Variants in ENPP6 observed in about 807,000 individuals in gnomAD.
ENPP6 encodes ectonucleotide pyrophosphatase/phosphodiesterase 6, also known as glycerophosphocholine cholinephosphodiesterase ENPP6.
ENPP6 carries 32 observed loss-of-function variants against 42.0 expected under a neutral mutation model. That is an observed-to-expected ratio of 0.76 (90% CI 0.58 to 1.02). The LOEUF is 1.02. Ranked by LOEUF, ENPP6 falls within the 50% of genes least tolerant of loss-of-function variation. The probability of loss-of-function intolerance (pLI) is 0.00; values close to 1 mark genes in which losing one functional copy is unlikely to be tolerated. For synonymous variants in ENPP6, 213 were observed against 216.0 expected (o/e 0.99, Z 0.12); for missense variants, 552 against 566.8 (o/e 0.97, Z 0.27).
intron 2 of ENPP6, among the ~76,000 whole-genome samples, chr4:184,129,272 C>A (rs1736555418): frequency 1.4e-5 from 1 of 70,380 alleles, no homozygotes; most frequent in Non-Finnish European, 2.9e-5. Flanking sequence ...TGACGTAGTA[C>A]ACAAACACCC....
At chr4:184,141,785 G>A (rs986905806) in intron 2 of ENPP6, among the ~76,000 whole-genome samples, 21 of 151,990 alleles carry the variant, frequency 1.4e-4, no homozygotes, top group Non-Finnish European at 2.4e-4. Context: ...TAATAATGAT[G>A]ATGATAAGGT....
At chr4:184,104,943 G>A (rs1013390271) in intron 6 of ENPP6, among the ~76,000 whole-genome samples, 4 of 152,336 alleles carry the variant, frequency 2.6e-5, no homozygotes, top group African/African-American at 9.6e-5. Context: ...ATTCCAAGCT[G>A]GAGAACATTA....
At chr4:184,111,301 C>A (rs1275380525) in intron 6 of ENPP6, among the ~76,000 whole-genome samples, 1 of 152,344 alleles carries the variant, frequency 6.6e-6, no homozygotes, top group East Asian at 1.9e-4. Flanking sequence ...AAATTCCAAG[C>A]AATTCTGCCA....
intron 1 of ENPP6, among the ~76,000 whole-genome samples, chr4:184,193,914 T>C (rs1053523430): frequency 2.0e-5 from 3 of 152,216 alleles, no homozygotes; most frequent in Non-Finnish European, 4.4e-5. Flanking sequence ...ATTGTTCAGT[T>C]TGATGCTACT....
intron 2 of ENPP6, among the ~76,000 whole-genome samples, chr4:184,133,872 A>T (rs368566041): frequency 6.9e-6 from 1 of 145,868 alleles, no homozygotes; most frequent in African/African-American, 2.5e-5. Flanking sequence ...ATATTGATTG[A>T]TTTTTTTTTT....
intron 1 of ENPP6, among the ~76,000 whole-genome samples, chr4:184,167,485 C>T (rs929747285): frequency 1.3e-5 from 2 of 152,082 alleles, no homozygotes; most frequent in South Asian, 2.1e-4. Flanking sequence ...CTTTTAATGC[C>T]GGGAATTGAT....
chr4:184,105,292 C>A (rs1019765527), intron 6 of ENPP6, among the ~76,000 whole-genome samples: 3 of 152,090 alleles, frequency 2.0e-5, no homozygotes, highest in African/African-American at 7.2e-5. Context: ...TGCAGTATGA[C>A]ACGAGCAAGA....
At chr4:184,169,647 T>C (rs1186476092) in intron 1 of ENPP6, among the ~76,000 whole-genome samples, 3 of 152,196 alleles carry the variant, frequency 2.0e-5, no homozygotes, top group Admixed American at 6.5e-5. Flanking sequence ...AGGGCACCAG[T>C]TGAGAGCCAC....
At chr4:184,092,149 G>A (rs1735815754) in intron 7 of ENPP6, among the ~76,000 whole-genome samples, 1 of 151,892 alleles carries the variant, frequency 6.6e-6, no homozygotes, top group South Asian at 2.1e-4. Context: ...TACTGCAGAG[G>A]CCGCACGGCA....
intron 7 of ENPP6, among the ~76,000 whole-genome samples, chr4:184,093,969 G>A (rs1735853720): frequency 6.6e-6 from 1 of 152,084 alleles, no homozygotes; most frequent in Admixed American, 6.5e-5. Context: ...AAGCCCAGGT[G>A]TCCCACAGGC....
At chr4:184,213,471 CA>C (rs1462369078) in intron 1 of ENPP6, among the ~76,000 whole-genome samples, 1 of 151,948 alleles carries the variant, frequency 6.6e-6, no homozygotes, top group African/African-American at 2.4e-5. Flanking sequence ...TTTATGCGGC[CA>C]AAAAACACAT....
intron 6 of ENPP6, among the ~76,000 whole-genome samples, chr4:184,104,257 C>T (rs1736051934): frequency 6.6e-6 from 1 of 152,218 alleles, no homozygotes; most frequent in South Asian, 2.1e-4. Flanking sequence ...GAGTCCAGGC[C>T]TCACAGCCAT....
chr4:184,191,257 C>A (rs938584387), intron 1 of ENPP6, among the ~76,000 whole-genome samples: 1 of 152,250 alleles, frequency 6.6e-6, no homozygotes, highest in Non-Finnish European at 1.5e-5. Flanking sequence ...AATTTAATAT[C>A]TCAGAGCCTT....
chr4:184,181,500 GA>G (rs1285910878), intron 1 of ENPP6, among the ~76,000 whole-genome samples: 14 of 152,114 alleles, frequency 9.2e-5, no homozygotes, highest in Admixed American at 8.5e-4. Context: ...CACAGAATTA[GA>G]AAAAAACTAC....
intron 1 of ENPP6, among the ~76,000 whole-genome samples, chr4:184,186,635 G>A (rs1364761216): frequency 6.6e-6 from 1 of 152,162 alleles, no homozygotes. Flanking sequence ...TGGTCAAAAG[G>A]TTAAATACAC....
intron 1 of ENPP6, among the ~76,000 whole-genome samples, chr4:184,160,826 A>G (rs560701888): frequency 3.9e-5 from 6 of 152,128 alleles, no homozygotes; most frequent in Non-Finnish European, 8.8e-5. Context: ...TCCAGGACAT[A>G]TGTTGTCTAG....
Position 184,091,060 on chromosome 4 carries a change from G to T in ENPP6, c.*117C>A. 1.1e-6 allele frequency: 1 copy of T among 918,232 alleles called. No individual in the cohort carries two copies. The highest frequency in any genetic ancestry group is 1.6e-6 in the Non-Finnish European group (1 of 637,072). 56.9% of individuals were successfully genotyped at this position (918,232 alleles called of 1,614,324 possible). A position where few individuals can be genotyped will look rare whatever the true frequency, so the allele number is the denominator to read the frequency against. ...TATCCAAGAATAATGTATTTACAAT[G>T]TGCATGGTCTTGATTGTGTTAATGA... is the stretch of plus-strand genomic sequence containing the variant. On this transcript the variant is annotated 3_prime_UTR_variant, in exon 8 of 8. Coordinates refer to ENST00000296741, the MANE Select transcript of ENPP6 (RefSeq NM_153343.4).
chr4:184,216,128 G>T (rs1239245142), intron 1 of ENPP6, among the ~76,000 whole-genome samples: 1 of 152,220 alleles, frequency 6.6e-6, no homozygotes, highest in Admixed American at 6.5e-5. Flanking sequence ...CAGCTGGAGT[G>T]GGGGTGGGCT....
At chr4:184,105,062 A>G (rs1308140725) in intron 6 of ENPP6, among the ~76,000 whole-genome samples, 3 of 152,178 alleles carry the variant, frequency 2.0e-5, no homozygotes, top group Admixed American at 6.5e-5. Flanking sequence ...ATTATTTATT[A>G]GGCTGATTGA....
Sources: gnomAD v4.1 joint callset for allele counts (sites outside exome capture counted in the v4.1 genomes callset) on GRCh38, gnomAD v4.1.1 for gene constraint, MANE v1.5 for transcripts, NCBI Gene and HGNC (gene_info 2026-07-23, HGNC 2026-07-21) for gene names.